The following SAMMSON variants were observed in gnomAD, a reference collection of about 807,000 sequenced individuals.
SAMMSON encodes survival associated mitochondrial melanoma specific oncogenic non-coding RNA.
rs34480688 is a variant in SAMMSON, at chr3:70,245,671, TTATATATATATATATATATATATATATA to T, written n.508-3419_508-3392del. ...TTGCATAACGTTTTTGCAAACTGCT[TTATATATATATATATATATATATATATA>T]TATATATATATATATACACATTCAA... On this transcript the variant is annotated intron_variant and non_coding_transcript_variant, in intron 4 of 9. Transcript: ENST00000642114. 2.2e-3 allele frequency among the ~76,000 whole-genome samples: 128 copies of T among 57,240 alleles called. 3 individuals carry two copies. The highest frequency in any genetic ancestry group is 3.0e-3 in the Non-Finnish European group (88 of 29,272). The allele number at this position is 57,240 out of a possible 152,430, so 37.6% of individuals were successfully genotyped here.
intron 2 of SAMMSON, among the ~76,000 whole-genome samples, chr3:70,407,008 G>A (rs899652704): frequency 3.9e-5 from 6 of 152,184 alleles, no homozygotes; most frequent in African/African-American, 1.4e-4. Context: ...GGTGGGAGGC[G>A]AAAGGCACTT....
downstream of SAMMSON, among the ~76,000 whole-genome samples, chr3:70,391,484 G>A (rs1359555643): frequency 6.6e-6 from 1 of 151,772 alleles, no homozygotes; most frequent in African/African-American, 2.4e-5. Flanking sequence ...ATTTTTATAT[G>A]GTCTCTTTCT....
At chr3:70,052,277 C>T (rs2107589614) in intron 3 of SAMMSON, among the ~76,000 whole-genome samples, 1 of 152,144 alleles carries the variant, frequency 6.6e-6, no homozygotes, top group African/African-American at 2.4e-5. Flanking sequence ...CTCTATGTGG[C>T]CAGTCTAATA....
At chr3:70,039,435 C>A (rs1180271569) in intron 3 of SAMMSON, among the ~76,000 whole-genome samples, 1 of 152,038 alleles carries the variant, frequency 6.6e-6, no homozygotes, top group Admixed American at 6.6e-5. Context: ...AAATACTGGT[C>A]TCTCCAAGCA....
chr3:70,250,851 G>A lies in SAMMSON; in HGVS notation n.674+1181G>A, dbSNP rs554162344. Among the ~76,000 whole-genome samples the A allele has an allele frequency of 5.7e-4, 87 of 152,176 alleles. 1 individual carries two copies. The highest frequency in any genetic ancestry group is 5.6e-3 in the South Asian group (27 of 4,818). On this transcript the variant is annotated intron_variant and non_coding_transcript_variant, in intron 6 of 9. Coordinates refer to ENST00000642114, the Ensembl canonical transcript of SAMMSON. ...CTTTTCAGGGAAAGCCAGGTTGAAT[G>A]GGCAGACTGTCAAATAGTAAGAAGG...
intron 9 of SAMMSON, among the ~76,000 whole-genome samples, chr3:70,366,440 T>C (rs534888606): frequency 1.3e-5 from 2 of 151,426 alleles, no homozygotes; most frequent in South Asian, 4.2e-4. Flanking sequence ...TTAACGTATA[T>C]TGGTGATTCT....
intron 4 of SAMMSON, among the ~76,000 whole-genome samples, chr3:70,198,125 G>T (rs1255827303): frequency 1.3e-5 from 2 of 152,140 alleles, no homozygotes; most frequent in African/African-American, 4.8e-5. Context: ...GTAGGTAAGT[G>T]TTCATGTGAT....
intron 2 of SAMMSON, among the ~76,000 whole-genome samples, chr3:70,432,099 G>A (rs775034283): frequency 6.6e-6 from 1 of 152,078 alleles, no homozygotes; most frequent in Non-Finnish European, 1.5e-5. Context: ...TTGGTCATCA[G>A]CTGAGAATGT....
At chr3:70,348,563 C>T (rs1311070943) in intron 7 of SAMMSON, among the ~76,000 whole-genome samples, 1 of 152,158 alleles carries the variant, frequency 6.6e-6, no homozygotes, top group Admixed American at 6.5e-5. Context: ...GAAACCTAAT[C>T]ACCTCCCAAA....
intron 4 of SAMMSON, among the ~76,000 whole-genome samples, chr3:70,234,791 T>G (rs568431542): frequency 6.6e-6 from 1 of 152,354 alleles, no homozygotes; most frequent in South Asian, 2.1e-4. Flanking sequence ...TTGCTTCGTT[T>G]TAAGCAAATT....
At chr3:70,118,041 G>A (rs1025019397) in intron 4 of SAMMSON, among the ~76,000 whole-genome samples, 1 of 151,698 alleles carries the variant, frequency 6.6e-6, no homozygotes, top group Non-Finnish European at 1.5e-5. Context: ...CCTCAGCCTC[G>A]CAAGTAGCTG....
At position 70,207,701 on chromosome 3, in the gene SAMMSON, C is replaced by T. The variant is rs148925860; in HGVS notation, n.508-41406C>T. On this transcript the variant is annotated intron_variant and non_coding_transcript_variant, in intron 4 of 9. Transcript: ENST00000642114. Reference sequence around the variant, plus strand: ...AACAATACAGTATAACAACCACTTACATAGCATTTACATAGTATTAGGTAT... The same window carrying T: ...AACAATACAGTATAACAACCACTTATATAGCATTTACATAGTATTAGGTAT... Among the ~76,000 whole-genome samples, 781 of 152,144 alleles carry T rather than the reference C, an allele frequency of 5.1e-3. 9 individuals are homozygous for T. Among genetic ancestry groups the T allele is most frequent in the Middle Eastern group, 0.014 (4 of 294 alleles).
intron 3 of SAMMSON, among the ~76,000 whole-genome samples, chr3:70,040,230 A>C (rs1294194753): frequency 6.6e-6 from 1 of 152,182 alleles, no homozygotes; most frequent in East Asian, 1.9e-4. Flanking sequence ...CACAGAAAGC[A>C]GATATATGTC....
At chr3:70,184,471 CTT>C (rs923744532) in intron 4 of SAMMSON, among the ~76,000 whole-genome samples, 2 of 152,166 alleles carry the variant, frequency 1.3e-5, no homozygotes, top group Admixed American at 6.5e-5. Flanking sequence ...AAGGGTTTAA[CTT>C]TTTCACCCGA....
chr3:70,207,280 A>T (rs1003700414), intron 4 of SAMMSON, among the ~76,000 whole-genome samples: 11 of 152,064 alleles, frequency 7.2e-5, no homozygotes, highest in African/African-American at 2.7e-4. Context: ...CATATAAATG[A>T]ATAGTCTATA....
At position 70,337,140 on chromosome 3, in the gene SAMMSON, TATTATTATTAATA is replaced by T. The variant is rs1410555267; in HGVS notation, n.740-17032_740-17020del. Among the ~76,000 whole-genome samples the T allele has an allele frequency of 6.3e-4, 46 of 73,236 alleles. 1 individual carries two copies. The highest frequency in any genetic ancestry group is 1.4e-3 in the Admixed American group (9 of 6,494). The allele number at this position is 73,236 out of a possible 152,430, so 48.0% of individuals were successfully genotyped here. A position where few individuals can be genotyped will look rare whatever the true frequency, so the allele number is the denominator to read the frequency against. On this transcript the variant is annotated intron_variant and non_coding_transcript_variant, in intron 7 of 9. Transcript: ENST00000642114. ...TTATTAATAATAATATCTAACTTAA[TATTATTATTAATA>T]ATAATATCTAACTTAATATAATATT...
intron 6 of SAMMSON, among the ~76,000 whole-genome samples, chr3:70,278,949 A>G (rs1221991594): frequency 6.6e-6 from 1 of 151,496 alleles, no homozygotes; most frequent in African/African-American, 2.4e-5. Flanking sequence ...TCTCCTCTTC[A>G]TAGTGGTCTG....
chr3:70,288,645 T>C (rs1431338600), intron 6 of SAMMSON, among the ~76,000 whole-genome samples: 4 of 151,868 alleles, frequency 2.6e-5, no homozygotes, highest in South Asian at 2.1e-4. Context: ...ATCCGTCTAA[T>C]GTTCACAGTG....
intron 4 of SAMMSON, among the ~76,000 whole-genome samples, chr3:70,165,500 C>T (rs927954685): frequency 1.3e-5 from 2 of 151,878 alleles, no homozygotes; most frequent in African/African-American, 2.4e-5. Context: ...ACCCCAGAAC[C>T]GAATATGCTG....
Sources: gnomAD v4.1 joint callset for allele counts (sites outside exome capture counted in the v4.1 genomes callset) on GRCh38, gnomAD v4.1.1 for gene constraint, MANE v1.5 for transcripts, NCBI Gene and HGNC (gene_info 2026-07-23, HGNC 2026-07-21) for gene names.